The following RASGRP1 variants were observed in gnomAD, a reference collection of about 807,000 sequenced individuals.
The protein encoded by RASGRP1 is RAS guanyl-releasing protein 1.
RASGRP1 carries 37 observed loss-of-function variants against 95.1 expected under a neutral mutation model. The ratio of observed to expected loss-of-function variants is 0.39; its 90% CI spans 0.30 to 0.51. The LOEUF (loss-of-function observed/expected upper bound fraction) is 0.51, where lower values mean the gene tolerates loss of function less well. RASGRP1 is among the 20% of genes least tolerant of loss of function. RASGRP1 has a pLI of 0.80. For synonymous variants in RASGRP1, 325 were observed against 353.4 expected, an observed-to-expected ratio of 0.92 and a Z score of 0.90; for missense variants, 711 against 965.4, an observed-to-expected ratio of 0.74 and a Z score of 3.49.
chr15:38,547,882 A>T lies in RASGRP1; in HGVS notation c.220+11939T>A, dbSNP rs550635986. On this transcript the variant is annotated intron_variant, in intron 2 of 16. Transcript: ENST00000310803. ...GCGCGCGCGCGTGTGTGTGTGTGTG[A>T]GATGGGGTGTGGAGGAGAGTATTAC... Among the ~76,000 whole-genome samples the T allele has an allele frequency of 3.3e-5, 5 of 151,708 alleles. No homozygotes were observed. The East Asian group carries it at 5.8e-4, about 18-fold the overall frequency.
intron 2 of RASGRP1, among the ~76,000 whole-genome samples, chr15:38,544,636 C>A (rs1273403078): frequency 1.3e-5 from 2 of 152,180 alleles, no homozygotes. Context: ...AAGATGTGGT[C>A]CCTTCATTTT....
chr15:38,495,121 A>C (rs1435169337), intron 15 of RASGRP1, among the ~76,000 whole-genome samples: 3 of 152,182 alleles, frequency 2.0e-5, no homozygotes, highest in Non-Finnish European at 1.5e-5. Context: ...ATGCTCCATA[A>C]ATACTTTTTT....
chr15:38,537,437 G>T (rs1174954386), intron 2 of RASGRP1, among the ~76,000 whole-genome samples: 4 of 152,050 alleles, frequency 2.6e-5, no homozygotes, highest in Non-Finnish European at 5.9e-5. Flanking sequence ...CACACATCTG[G>T]CTGGGTAGTT....
intron 8 of RASGRP1, among the ~76,000 whole-genome samples, chr15:38,509,601 C>G (rs1415000011): frequency 6.6e-6 from 1 of 152,180 alleles, no homozygotes; most frequent in African/African-American, 2.4e-5. Context: ...TGGCACACGC[C>G]TGTAGTCCCA....
intron 2 of RASGRP1, among the ~76,000 whole-genome samples, chr15:38,526,849 T>C (rs958514300): frequency 5.9e-5 from 9 of 152,174 alleles, no homozygotes; most frequent in African/African-American, 2.2e-4. Flanking sequence ...AATGACCATA[T>C]GAATACATTT....
intron 2 of RASGRP1, among the ~76,000 whole-genome samples, chr15:38,543,408 A>G (rs1892979509): frequency 6.6e-6 from 1 of 152,136 alleles, no homozygotes; most frequent in South Asian, 2.1e-4. Context: ...CTATCCTTAT[A>G]TGTATATCAC....
intron 8 of RASGRP1, among the ~76,000 whole-genome samples, chr15:38,508,585 A>G (rs551788207): frequency 2.0e-5 from 3 of 152,316 alleles, no homozygotes; most frequent in Admixed American, 2.0e-4. Context: ...CTATGACTAG[A>G]AAGCAAGTGA....
At chr15:38,550,010 C>T (rs962112509) in intron 2 of RASGRP1, among the ~76,000 whole-genome samples, 1 of 151,942 alleles carries the variant, frequency 6.6e-6, no homozygotes, top group African/African-American at 2.4e-5. Flanking sequence ...GTAATCCCAG[C>T]ACTTTGAGAG....
chr15:38,523,224 C>A (rs571175118), intron 3 of RASGRP1, among the ~76,000 whole-genome samples: 1 of 152,160 alleles, frequency 6.6e-6, no homozygotes, highest in Non-Finnish European at 1.5e-5. Context: ...TGGTCCATGA[C>A]GGACCACATA....
At chr15:38,530,383 T>C (rs1892388655) in intron 2 of RASGRP1, among the ~76,000 whole-genome samples, 1 of 152,202 alleles carries the variant, frequency 6.6e-6, no homozygotes, top group South Asian at 2.1e-4. Flanking sequence ...GGGCAGGAAC[T>C]GCAAAGTCAC....
chr15:38,535,651 A>G (rs1351932295), intron 2 of RASGRP1, among the ~76,000 whole-genome samples: 4 of 152,174 alleles, frequency 2.6e-5, no homozygotes, highest in Non-Finnish European at 5.9e-5. Context: ...ACATCAACAG[A>G]AACGCTCCTC....
At chr15:38,541,266 C>T (rs1030219906) in intron 2 of RASGRP1, among the ~76,000 whole-genome samples, 15 of 152,274 alleles carry the variant, frequency 9.9e-5, no homozygotes, top group East Asian at 5.8e-4. Context: ...GCCTGGCCAG[C>T]GGGCGTCTAA....
At chr15:38,526,748 G>A (rs1394408546) in intron 2 of RASGRP1, among the ~76,000 whole-genome samples, 1 of 152,204 alleles carries the variant, frequency 6.6e-6, no homozygotes, top group Non-Finnish European at 1.5e-5. Flanking sequence ...GGGGTGGGCA[G>A]GGAGAGAATT....
At position 38,531,887 on chromosome 15, in the gene RASGRP1, C is replaced by T. The variant is rs373174449; in HGVS notation, c.221-5483G>A. On this transcript the variant is annotated intron_variant, in intron 2 of 16. Coordinates refer to ENST00000310803, the MANE Select transcript of RASGRP1 (RefSeq NM_005739.4). ...GCTCTCCCACACATAAGCTCCAGCT[C>T]TATACAACCTCATCAGGGATATGTC... 5.9e-5 allele frequency among the ~76,000 whole-genome samples: 9 copies of T among 152,284 alleles called. 1 individual carries two copies. Among genetic ancestry groups the T allele is most frequent in the African/African-American group, 2.2e-4 (9 of 41,564 alleles).
intron 8 of RASGRP1, among the ~76,000 whole-genome samples, chr15:38,510,934 G>A (rs1891485537): frequency 6.6e-6 from 1 of 152,166 alleles, no homozygotes; most frequent in Non-Finnish European, 1.5e-5. Flanking sequence ...CTGTGCTCCA[G>A]CCTTGATGAC....
chr15:38,499,556 C>G (rs1011642681), intron 14 of RASGRP1, among the ~76,000 whole-genome samples: 1 of 152,232 alleles, frequency 6.6e-6, no homozygotes, highest in Admixed American at 6.5e-5. Flanking sequence ...AGGCATTTCT[C>G]TCTTCGGTGT....
intron 6 of RASGRP1, among the ~76,000 whole-genome samples, chr15:38,514,744 G>A (rs62003609): frequency 0.011 from 1,712 of 152,300 alleles, 20 homozygotes; most frequent in Non-Finnish European, 0.019. Flanking sequence ...GGGATTCCTC[G>A]TTCTGCACTG....
At chr15:38,529,042 T>C (rs1196417913) in intron 2 of RASGRP1, among the ~76,000 whole-genome samples, 1 of 152,170 alleles carries the variant, frequency 6.6e-6, no homozygotes, top group African/African-American at 2.4e-5. Context: ...TTCCTTCACA[T>C]CCAATCCATC....
At chr15:38,547,490 C>T (rs1893148397) in intron 2 of RASGRP1, among the ~76,000 whole-genome samples, 2 of 152,166 alleles carry the variant, frequency 1.3e-5, no homozygotes, top group African/African-American at 2.4e-5. Context: ...AGAGTTGTAA[C>T]TTGGCAATGC....
Sources: allele counts gnomAD v4.1 joint callset (sites outside exome capture counted in the v4.1 genomes callset), GRCh38; gene constraint gnomAD v4.1.1; transcripts MANE v1.5; gene names NCBI Gene and HGNC (gene_info 2026-07-23, HGNC 2026-07-21).